CACNA1H: variants seen among roughly 807,000 people sequenced by gnomAD.
The protein encoded by CACNA1H is voltage-dependent T-type calcium channel subunit alpha-1H.
CACNA1H carries 149 observed loss-of-function variants against 192.5 expected under a neutral mutation model. The ratio of observed to expected loss-of-function variants is 0.77; its 90% CI spans 0.68 to 0.89. The LOEUF is 0.89. Ranked by LOEUF, CACNA1H falls within the 40% of genes least tolerant of loss-of-function variation. CACNA1H has a pLI of 0.00. For synonymous variants in CACNA1H, 2,202 were observed against 1,475.2 expected, an observed-to-expected ratio of 1.49 and a Z score of -11.29; for missense variants, 4,257 against 3,423.5, an observed-to-expected ratio of 1.24 and a Z score of -6.08.
intron 2 of CACNA1H, among the ~76,000 whole-genome samples, chr16:1,174,946 C>G (rs1964725607): frequency 6.7e-6 from 1 of 150,136 alleles, no homozygotes; most frequent in Non-Finnish European, 1.5e-5. Context: ...GTCCACCCCC[C>G]CACCCCCCAC....
chr16:1,202,475 CGGA>C (rs1968078177), intron 9 of CACNA1H, 23 bp downstream of exon 9: 2 of 1,460,612 alleles, frequency 1.4e-6, no homozygotes, highest in Non-Finnish European at 1.8e-6. Context: ...CCCCACCCCA[CGGA>C]GGAGGCGGTG....
chr16:1,206,687 G>A, intron 12 of CACNA1H: 1 of 456,290 alleles, frequency 2.2e-6, no homozygotes, highest in Non-Finnish European at 4.0e-6. Flanking sequence ...GGCTTTCACA[G>A]TCCAGAGAGG....
intron 9 of CACNA1H, among the ~76,000 whole-genome samples, chr16:1,203,179 A>G (rs912696498): frequency 6.6e-5 from 10 of 152,142 alleles, no homozygotes; most frequent in South Asian, 4.1e-4. Flanking sequence ...TGTCGGGCGC[A>G]TGCTCCTAGC....
intron 2 of CACNA1H, among the ~76,000 whole-genome samples, chr16:1,165,178 C>G (rs1350777198): frequency 1.3e-5 from 2 of 152,074 alleles, no homozygotes; most frequent in East Asian, 3.9e-4. Flanking sequence ...CACCGTGGCG[C>G]GATTGCTGGG....
In CACNA1H at chr16:1,220,036, T is replaced by C. The variant is rs1970358403; in HGVS notation, c.6104T>C (p.Leu2035Pro). 8 of 1,415,362 alleles carry C rather than the reference T, an allele frequency of 5.7e-6. No individual in the cohort carries two copies. Among genetic ancestry groups the C allele is most frequent in the African/African-American group, 1.5e-5 (1 of 66,750 alleles). 87.7% of individuals were successfully genotyped at this position (1,415,362 alleles called of 1,614,324 possible). ...EGKIDSPRDT[L>P]DPAEPGEKTP... ...AAGATTGACAGCCCTAGGGACACCC[T>C]GGATCCTGCAGAGCCTGGTGAGAAA... Residue 2035 changes from leucine (L) to proline (P), a missense_variant, in exon 35 of 35, where the codon CTG (leucine) becomes CCG (proline). Coordinates refer to ENST00000348261, the MANE Select transcript of CACNA1H (RefSeq NM_021098.3).
rs764044517 is a variant in CACNA1H at position 1,220,833 on chromosome 16, G to T, written c.6901G>T (p.Val2301Leu). ...ESRASSSGAI[V>L]PLEPPESEPP... ...CAGAGCTTCCTCTTCAGGGGCCATA[G>T]TGCCCCTGGAACCCCCAGAATCAGA... The change falls in exon 35 of 35, where the codon GTG (valine) becomes TTG (leucine). Residue 2301 changes from valine (V) to leucine (L), a missense_variant. By Grantham distance (32) the Val-to-Leu change is conservative (BLOSUM62 1). Transcript: ENST00000348261. 1.9e-6 allele frequency: 3 copies of T among 1,612,782 alleles called. No homozygotes were observed. The South Asian group carries it at 3.3e-5, about 18-fold the overall frequency.
chr16:1,212,533 C>G lies in CACNA1H; in HGVS notation c.4777+5C>G, dbSNP rs370513262. 2 of 1,610,534 alleles carry G rather than the reference C, an allele frequency of 1.2e-6. No individual in the cohort carries two copies. Among genetic ancestry groups the G allele is most frequent in the Non-Finnish European group, 8.5e-7 (1 of 1,178,944 alleles). The stretch of plus-strand genomic sequence containing the variant: ...CAGGCACTTTCCCCAGCCCAGGTAC[C>G]GGCCCTGTCCCGCATGCCTCAGGCC... On this transcript the variant is annotated splice_donor_5th_base_variant and intron_variant, in intron 26 of 34. Coordinates refer to ENST00000348261, the MANE Select transcript of CACNA1H (RefSeq NM_021098.3).
chr16:1,195,223 CGGCGGGGCGCGA>C, intron 3 of CACNA1H, 140 bp downstream of exon 3: 1 of 363,962 alleles, frequency 2.7e-6, no homozygotes, highest in Non-Finnish European at 4.4e-6. Context: ...GCGAGGTTCA[CGGCGGGGCGCGA>C]GGTGGGGCTG....
chr16:1,196,869 C>T (rs1426173024), intron 5 of CACNA1H, among the ~76,000 whole-genome samples: 1 of 152,132 alleles, frequency 6.6e-6, no homozygotes, highest in African/African-American at 2.4e-5. Context: ...TGCTCTGGTT[C>T]CTGGGGGTCG....
Position 1,205,316 on chromosome 16 carries a change from C to G in CACNA1H, c.2603+51C>G, listed in dbSNP as rs943050079. 9 of 1,547,284 alleles carry G rather than the reference C, an allele frequency of 5.8e-6. No homozygotes were observed. The Admixed American group carries it at 7.3e-5, about 13-fold the overall frequency. On this transcript the variant is annotated intron_variant, in intron 11 of 34. Transcript: ENST00000348261. ...AGAGGGGCCCGGGAAGCTCCACTCT[C>G]TGGCAGAAATCCCACCTGCAGAGCA...
intron 17 of CACNA1H, 128 bp from the exon 18 acceptor site, chr16:1,209,907 G>A (rs1969220288): frequency 2.9e-6 from 2 of 701,566 alleles, no homozygotes; most frequent in Admixed American, 2.7e-5. Flanking sequence ...AAGGCCAGCG[G>A]GTGAGGAGTG....
At chr16:1,176,548 G>A (rs1964911162) in intron 2 of CACNA1H, among the ~76,000 whole-genome samples, 1 of 152,332 alleles carries the variant, frequency 6.6e-6, no homozygotes, top group East Asian at 1.9e-4. Context: ...CAGAGGTGAC[G>A]GGCCTGGGCT....
At chr16:1,155,088 G>A (rs1413962778) in intron 2 of CACNA1H, among the ~76,000 whole-genome samples, 1 of 152,236 alleles carries the variant, frequency 6.6e-6, no homozygotes, top group Non-Finnish European at 1.5e-5. Context: ...TACCTTGTGT[G>A]TTTAACTGTA....
At chr16:1,163,148 G>A (rs1208231500) in intron 2 of CACNA1H, among the ~76,000 whole-genome samples, 1 of 152,230 alleles carries the variant, frequency 6.6e-6, no homozygotes, top group Non-Finnish European at 1.5e-5. Flanking sequence ...TCTGCCCTGG[G>A]GAGCCGATCC....
At chr16:1,204,530 C>A in intron 10 of CACNA1H, 72 bp downstream of exon 10, 1 of 1,253,650 alleles carries the variant, frequency 8.0e-7, no homozygotes, top group Non-Finnish European at 1.1e-6. Flanking sequence ...CAGGAGGCTT[C>A]CAGCAGCCCC....
In CACNA1H at chr16:1,221,728, G is replaced by A. The variant is rs779646785; in HGVS notation, c.*734G>A. ...GAAGACTCAGCTTCTCAAGGGAGAGGGAGGGGGCGGAGCGGAATAAATAGT... is the reference window on the plus strand; with the variant it reads ...GAAGACTCAGCTTCTCAAGGGAGAGAGAGGGGGCGGAGCGGAATAAATAGT... On this transcript the variant is annotated 3_prime_UTR_variant, in exon 35 of 35. Coordinates refer to ENST00000348261, the MANE Select transcript of CACNA1H (RefSeq NM_021098.3). 2.5e-4 allele frequency: 367 copies of A among 1,452,032 alleles called. No individual in the cohort carries two copies. Among genetic ancestry groups the A allele is most frequent in the Non-Finnish European group, 3.3e-4 (359 of 1,080,610 alleles). The allele number at this position is 1,452,032 out of a possible 1,614,324, so 89.9% of individuals were successfully genotyped here. A position where few individuals can be genotyped will look rare whatever the true frequency, so the allele number is the denominator to read the frequency against.
rs755913742 is a variant in CACNA1H at position 1,202,112 on chromosome 16, C to G, written c.1662C>G (p.Gly554=). The G allele has an allele frequency of 5.2e-6, 8 of 1,546,008 alleles. No homozygotes were observed. In the Admixed American group the frequency reaches 7.9e-5, roughly 15 times the overall value. The change falls in exon 9 of 35, where the codon GGC becomes GGG. Residue 554 remains glycine, a synonymous_variant. Coordinates refer to ENST00000348261, the MANE Select transcript of CACNA1H (RefSeq NM_021098.3). ...GACDTRLVRA[G]APPSPPSPGR... Reference sequence around the variant, plus strand: ...GCGACACCAGGCTGGTCCGAGCTGGCGCGCCCCCCTCGCCACCTTCCCCAG... The same window carrying G: ...GCGACACCAGGCTGGTCCGAGCTGGGGCGCCCCCCTCGCCACCTTCCCCAG...
intron 31 of CACNA1H, 61 bp from the exon 32 acceptor site, chr16:1,217,858 G>A: frequency 6.6e-7 from 1 of 1,523,836 alleles, no homozygotes. Flanking sequence ...GAGGCTGGGT[G>A]CATGTCCCGC....
At chr16:1,199,017 C>T (rs1419290793) in intron 6 of CACNA1H, 5 of 511,508 alleles carry the variant, frequency 9.8e-6, no homozygotes, top group Admixed American at 6.7e-5. Context: ...AGTCGCTGCA[C>T]ATATGCCCCA....
Sources: gnomAD v4.1 joint callset for allele counts (sites outside exome capture counted in the v4.1 genomes callset) on GRCh38, gnomAD v4.1.1 for gene constraint, MANE v1.5 for transcripts, NCBI Gene and HGNC (gene_info 2026-07-23, HGNC 2026-07-21) for gene names.